The following PAPPA2 variants were observed in gnomAD, a reference collection of about 807,000 sequenced individuals.
PAPPA2 encodes the protein pappalysin-2.
PAPPA2 carries 86 observed loss-of-function variants against 176.4 expected under a neutral mutation model. The ratio of observed to expected loss-of-function variants is 0.49; its 90% CI spans 0.41 to 0.58. The LOEUF is 0.58. PAPPA2 is among the 20% of genes least tolerant of loss of function. The probability of loss-of-function intolerance (pLI) is 0.00; values close to 1 mark genes in which losing one functional copy is unlikely to be tolerated. For synonymous variants in PAPPA2, 809 were observed against 852.2 expected (o/e 0.95, Z 0.88); for missense variants, 2,073 against 2,256.9 (o/e 0.92, Z 1.65).
At chr1:176,680,797 G>A (rs1304360431) in intron 4 of PAPPA2, among the ~76,000 whole-genome samples, 1 of 152,222 alleles carries the variant, frequency 6.6e-6, no homozygotes, top group East Asian at 1.9e-4. Flanking sequence ...CAACCCCAAA[G>A]TAGTTCTTGT....
intron 21 of PAPPA2, among the ~76,000 whole-genome samples, chr1:176,813,901 G>T (rs1377836949): frequency 6.6e-6 from 1 of 152,032 alleles, no homozygotes; most frequent in African/African-American, 2.4e-5. Flanking sequence ...TTTCTTCTAG[G>T]GTTTTATAGT....
intron 2 of PAPPA2, among the ~76,000 whole-genome samples, chr1:176,560,502 T>A (rs1212180479): frequency 1.3e-5 from 2 of 152,010 alleles, no homozygotes; most frequent in South Asian, 2.1e-4. Context: ...ACAACCAAGG[T>A]GTAGGAGAGG....
At chr1:176,547,808 G>A (rs989821090) in intron 1 of PAPPA2, among the ~76,000 whole-genome samples, 3 of 152,240 alleles carry the variant, frequency 2.0e-5, no homozygotes, top group Admixed American at 6.5e-5. Context: ...TCCCCTGGGA[G>A]GTGATATCAT....
chr1:176,491,434 A>C (rs1191099275), intron 1 of PAPPA2, among the ~76,000 whole-genome samples: 2 of 152,160 alleles, frequency 1.3e-5, no homozygotes, highest in East Asian at 3.9e-4. Context: ...GGAGGAAGAT[A>C]TTTGCATGAG....
chr1:176,478,503 C>T (rs932707014), intron 1 of PAPPA2, among the ~76,000 whole-genome samples: 1 of 152,224 alleles, frequency 6.6e-6, no homozygotes, highest in Non-Finnish European at 1.5e-5. Context: ...AATGAAAGAA[C>T]ATGAAGTATT....
chr1:176,689,319 C>G (rs994111138), intron 4 of PAPPA2, among the ~76,000 whole-genome samples: 17 of 152,206 alleles, frequency 1.1e-4, no homozygotes, highest in African/African-American at 4.1e-4. Context: ...CACTAAGTCT[C>G]TCATCTAAGC....
intron 4 of PAPPA2, among the ~76,000 whole-genome samples, chr1:176,676,755 A>G (rs1017070251): frequency 7.9e-5 from 12 of 151,440 alleles, no homozygotes; most frequent in African/African-American, 2.7e-4. Flanking sequence ...CACACACACA[A>G]CTGCATGTAA....
chr1:176,764,883 AC>A (rs765710904), intron 14 of PAPPA2, among the ~76,000 whole-genome samples: 2 of 152,132 alleles, frequency 1.3e-5, no homozygotes, highest in Non-Finnish European at 2.9e-5. Context: ...GGCGTGAGCC[AC>A]CGCATCCGGC....
intron 12 of PAPPA2, among the ~76,000 whole-genome samples, chr1:176,734,627 A>T (rs1343101727): frequency 6.6e-6 from 1 of 152,080 alleles, no homozygotes; most frequent in Admixed American, 6.6e-5. Context: ...TCCCCCCTTC[A>T]TCCATTAGAT....
intron 21 of PAPPA2, among the ~76,000 whole-genome samples, chr1:176,806,071 A>T (rs949234771): frequency 6.6e-6 from 1 of 151,764 alleles, no homozygotes; most frequent in Non-Finnish European, 1.5e-5. Context: ...TATACACTGC[A>T]AGTATCCATG....
intron 1 of PAPPA2, among the ~76,000 whole-genome samples, chr1:176,491,743 G>T (rs1647302465): frequency 6.6e-6 from 1 of 152,052 alleles, no homozygotes; most frequent in Non-Finnish European, 1.5e-5. Context: ...TATTTGTTTT[G>T]CTCCTATTAG....
At chr1:176,503,318 T>C (rs1490580504) in intron 1 of PAPPA2, among the ~76,000 whole-genome samples, 1 of 152,190 alleles carries the variant, frequency 6.6e-6, no homozygotes, top group Non-Finnish European at 1.5e-5. Context: ...TTGATTACAG[T>C]GAACTCACCT....
intron 1 of PAPPA2, among the ~76,000 whole-genome samples, chr1:176,536,497 C>T (rs1650072252): frequency 6.6e-6 from 1 of 152,190 alleles, no homozygotes; most frequent in African/African-American, 2.4e-5. Context: ...TAGACTAGTT[C>T]ATGCTTCCAA....
At chr1:176,799,006 T>C (rs1665560318) in intron 20 of PAPPA2, among the ~76,000 whole-genome samples, 1 of 152,190 alleles carries the variant, frequency 6.6e-6, no homozygotes, top group Non-Finnish European at 1.5e-5. Flanking sequence ...TGTGAATGTC[T>C]CCAATCTAAT....
At position 176,556,911 on chromosome 1, in the gene PAPPA2, C is replaced by A; in HGVS notation, c.589C>A (p.Gln197Lys). 1 of 1,614,180 alleles carries A rather than the reference C, an allele frequency of 6.2e-7. No individual in the cohort carries two copies. The highest frequency in any genetic ancestry group is 8.5e-7 in the Non-Finnish European group (1 of 1,180,040). ...TQRRGWAKSRQRRQVWKRRAE... is the reference protein window; with the variant it reads ...TQRRGWAKSRKRRQVWKRRAE... Reference sequence around the variant, plus strand: ...AAGGAGGGGCTGGGCCAAGTCCAGGCAGCGTCGCCAAGTGTGGAAGAGGCG... The same window carrying A: ...AAGGAGGGGCTGGGCCAAGTCCAGGAAGCGTCGCCAAGTGTGGAAGAGGCG... Residue 197 changes from glutamine to lysine, a missense_variant, in exon 2 of 23, where the codon CAG becomes AAG. By Grantham distance (53) the Gln-to-Lys change is moderately conservative (BLOSUM62 1). Coordinates refer to ENST00000367662, the MANE Select transcript of PAPPA2 (RefSeq NM_020318.3).
chr1:176,789,768 GA>G, intron 17 of PAPPA2, 40 bp from the exon 18 acceptor site: 1 of 1,570,464 alleles, frequency 6.4e-7, no homozygotes, highest in Non-Finnish European at 8.6e-7. Flanking sequence ...TGACCTTCTT[GA>G]AAGATTCTGA....
At chr1:176,506,840 C>T (rs1224914610) in intron 1 of PAPPA2, among the ~76,000 whole-genome samples, 1 of 151,970 alleles carries the variant, frequency 6.6e-6, no homozygotes, top group Non-Finnish European at 1.5e-5. Flanking sequence ...TATAAAAATC[C>T]TAGAAGAAAA....
chr1:176,624,155 A>G (rs1655875062), intron 3 of PAPPA2, among the ~76,000 whole-genome samples: 1 of 152,178 alleles, frequency 6.6e-6, no homozygotes, highest in South Asian at 2.1e-4. Context: ...CTAAGGGACC[A>G]GGTTTTTGTT....
intron 1 of PAPPA2, among the ~76,000 whole-genome samples, chr1:176,516,501 T>C (rs2102531070): frequency 6.6e-6 from 1 of 152,270 alleles, no homozygotes; most frequent in South Asian, 2.1e-4. Context: ...CCCAATGCAA[T>C]ACTATTCAAA....
Sources: allele counts gnomAD v4.1 joint callset (sites outside exome capture counted in the v4.1 genomes callset), GRCh38; gene constraint gnomAD v4.1.1; transcripts MANE v1.5; gene names NCBI Gene and HGNC (gene_info 2026-07-23, HGNC 2026-07-21).